The following RPS7 variants were observed in gnomAD, a reference collection of about 807,000 sequenced individuals.
RPS7 encodes small ribosomal subunit protein eS7.
RPS7 carries 1 observed loss-of-function variant against 22.1 expected under a neutral mutation model. That is an observed-to-expected ratio of 0.05 (90% CI 0.02 to 0.21). The LOEUF (loss-of-function observed/expected upper bound fraction) is 0.21, where lower values mean the gene tolerates loss of function less well. Among genes scored for constraint, RPS7 ranks in the 10% least tolerant of loss-of-function variants. The pLI, the probability that RPS7 is intolerant of heterozygous loss-of-function variation, is 1.00. For synonymous variants in RPS7, 80 were observed against 92.0 expected (o/e 0.87, Z 0.74); for missense variants, 137 against 246.4 (o/e 0.56, Z 2.97).
chr2:3,579,882 A>C (rs1661360464), intron 5 of RPS7: 2 of 593,988 alleles, frequency 3.4e-6, no homozygotes, highest in Non-Finnish European at 6.0e-6. Flanking sequence ...AGTAACATTT[A>C]AAATTGACTG....
chr2:3,577,389 T>C, intron 4 of RPS7: 1 of 325,530 alleles, frequency 3.1e-6, no homozygotes, highest in East Asian at 6.9e-5. Flanking sequence ...CAAACTGAAG[T>C]CTATGGGGAA....
At chr2:3,577,491 TTAG>T (rs1661307202) in intron 4 of RPS7, 1 of 575,852 alleles carries the variant, frequency 1.7e-6, no homozygotes, top group South Asian at 2.1e-5. Context: ...CACTGGCGTA[TTAG>T]TAGAGGCTGT....
chr2:3,577,228 C>G (rs904040197), intron 4 of RPS7: 5 of 175,362 alleles, frequency 2.9e-5, no homozygotes, highest in African/African-American at 1.2e-4. Context: ...CCCAGCTACT[C>G]GGGAGGCTGA....
chr2:3,579,233 C>G (rs181628056), intron 5 of RPS7: 1 of 152,126 alleles, frequency 6.6e-6, no homozygotes, highest in Admixed American at 6.5e-5. Context: ...AATGAATAAT[C>G]CGTTTGTCTT....
At chr2:3,576,953 G>C (rs908123893) in intron 4 of RPS7, 2 of 368,704 alleles carry the variant, frequency 5.4e-6, no homozygotes, top group Non-Finnish European at 5.2e-6. Context: ...TAAAGTGACA[G>C]ACTGCTGTGT....
In RPS7 at chr2:3,580,617, G is replaced by A. The variant is rs534558419; in HGVS notation, c.508-188G>A. ...CCCCTGATGGCTTCCCCGGTGCAGTGGTGTACAGTTCTGTCCCACAGCATT... is the reference window on the plus strand; with the variant it reads ...CCCCTGATGGCTTCCCCGGTGCAGTAGTGTACAGTTCTGTCCCACAGCATT... On this transcript the variant is annotated intron_variant, in intron 6 of 6. Coordinates refer to ENST00000645674, the MANE Select transcript of RPS7 (RefSeq NM_001011.4). 2.3e-5 allele frequency: 15 copies of A among 639,984 alleles called. No individual in the cohort carries two copies. In the African/African-American group the frequency reaches 2.7e-4, roughly 12 times the overall value. 39.6% of individuals were successfully genotyped at this position (639,984 alleles called of 1,614,324 possible).
intron 2 of RPS7, 24 bp from the exon 3 acceptor site, chr2:3,575,793 G>C (rs771393479): frequency 6.2e-7 from 1 of 1,609,880 alleles, no homozygotes; most frequent in African/African-American, 1.3e-5. Flanking sequence ...CTCAGGGTCG[G>C]TCCTGCTGTT....
chr2:3,575,720 G>A, intron 2 of RPS7, 36 bp downstream of exon 2: 1 of 1,597,796 alleles, frequency 6.3e-7, no homozygotes, highest in South Asian at 1.1e-5. Context: ...GGTGGGGGGA[G>A]GCGCCCCGCC....
chr2:3,575,549 G>C (rs1035827182), intron 1 of RPS7, 43 bp from the exon 2 acceptor site: 39 of 1,444,020 alleles, frequency 2.7e-5, no homozygotes, highest in Non-Finnish European at 3.7e-5. Context: ...AGCCAGCGGC[G>C]CCTGCAGCCC....
Position 3,575,676 on chromosome 2 carries a change from A to G in RPS7, c.67A>G (p.Ile23Val), listed in dbSNP as rs1661257540. ...GAAGCCGGACGAGTTCGAGTCCGGC[A>G]TCTCCCAGGTGAGAGGGTTTCCCTG... Reference protein sequence around the residue: ...GEKPDEFESGISQALLELEMN... With the variant: ...GEKPDEFESGVSQALLELEMN... Residue 23 changes from isoleucine to valine, a missense_variant, in exon 2 of 7, where the codon ATC (isoleucine) becomes GTC (valine). Ile to Val is a conservative substitution (Grantham distance 29). This residue lies in a region of RPS7 where 63 missense variants were observed against 75.0 expected (regional missense o/e 0.84). Transcript: ENST00000645674. The G allele has an allele frequency of 6.2e-7, 1 of 1,611,410 alleles. No individual in the cohort carries two copies. Among genetic ancestry groups the G allele is most frequent in the Non-Finnish European group, 8.5e-7 (1 of 1,179,242 alleles).
chr2:3,577,986 T>C, intron 5 of RPS7: 1 of 583,454 alleles, frequency 1.7e-6, no homozygotes, highest in Non-Finnish European at 3.0e-6. Flanking sequence ...ACTAGGTCAG[T>C]GCTGTCACAA....
At chr2:3,576,900 GAT>G in intron 4 of RPS7, 1 of 478,276 alleles carries the variant, frequency 2.1e-6, no homozygotes, top group Non-Finnish European at 3.8e-6. Flanking sequence ...TAAAAAGAAA[GAT>G]AAAGTACGTT....
chr2:3,576,102 C>T (rs1661272437), intron 3 of RPS7: 2 of 617,954 alleles, frequency 3.2e-6, no homozygotes, highest in Non-Finnish European at 2.9e-6. Flanking sequence ...CACATGCGGG[C>T]GGTGGAGAAA....
intron 5 of RPS7, chr2:3,579,755 G>A: frequency 2.7e-6 from 1 of 366,280 alleles, no homozygotes; most frequent in Non-Finnish European, 5.2e-6. Context: ...AAAGGTTATT[G>A]TAGTGATTTA....
chr2:3,580,401 C>T (rs1035680248), intron 6 of RPS7, 141 bp downstream of exon 6: 1 of 766,716 alleles, frequency 1.3e-6, no homozygotes, highest in Non-Finnish European at 2.3e-6. Flanking sequence ...AGCCTGCTCT[C>T]CTTTGGATTA....
chr2:3,580,465 G>C (rs779633547), intron 6 of RPS7: 5 of 674,382 alleles, frequency 7.4e-6, no homozygotes, highest in Non-Finnish European at 1.3e-5. Flanking sequence ...GAAATTCTCT[G>C]TACCTTTTGG....
intron 5 of RPS7, 68 bp from the exon 6 acceptor site, chr2:3,580,042 G>A (rs1358271269): frequency 7.1e-7 from 1 of 1,412,410 alleles, no homozygotes; most frequent in Non-Finnish European, 1.0e-6. Flanking sequence ...GACTTAAAGA[G>A]GTGCCCTCTG....
chr2:3,577,481 C>T, intron 4 of RPS7: 1 of 560,936 alleles, frequency 1.8e-6, no homozygotes, highest in Non-Finnish European at 3.2e-6. Flanking sequence ...AGATTTTGTC[C>T]ACTGGCGTAT....
chr2:3,576,393 GGT>G, intron 3 of RPS7, 92 bp from the exon 4 acceptor site: 1 of 1,042,274 alleles, frequency 9.6e-7, no homozygotes, highest in South Asian at 1.3e-5. Flanking sequence ...GTGCAGCTAC[GGT>G]GTTAGTGATA....
Sources: gnomAD v4.1 joint callset for allele counts on GRCh38, gnomAD v4.1.1 for gene constraint, gnomAD v4.1.1 regional missense constraint, MANE v1.5 for transcripts, NCBI Gene and HGNC (gene_info 2026-07-23, HGNC 2026-07-21) for gene names.